Variants in CYFIP1 observed in about 807,000 individuals in gnomAD.
CYFIP1 encodes the protein cytoplasmic FMR1-interacting protein 1.
In CYFIP1, 58 loss-of-function variants were observed where a neutral mutation model predicts 163.5. The ratio of observed to expected loss-of-function variants is 0.35; its 90% confidence interval spans 0.29 to 0.44. CYFIP1 has a LOEUF of 0.44. Ranked by LOEUF, CYFIP1 falls within the 20% of genes least tolerant of loss-of-function variation. The probability of loss-of-function intolerance (pLI) is 1.00; values close to 1 mark genes in which losing one functional copy is unlikely to be tolerated. For missense variants in CYFIP1, 1,338 were observed against 1,653.8 expected (o/e 0.81, Z 3.31); for synonymous variants, 663 against 660.7 (o/e 1.00, Z -0.05).
At chr15:22,882,597 G>T (rs1021665667) in intron 24 of CYFIP1, among the ~76,000 whole-genome samples, 4 of 152,188 alleles carry the variant, frequency 2.6e-5, no homozygotes, top group Non-Finnish European at 5.9e-5. Flanking sequence ...TGGAGCCCAG[G>T]AGTTCAAGGA....
rs913612415 is a variant in CYFIP1, at chr15:22,946,926, A to C, written c.207+77T>G. On this transcript the variant is annotated intron_variant, in intron 3 of 30. Coordinates refer to ENST00000617928, the MANE Select transcript of CYFIP1 (RefSeq NM_014608.6). ...TCCTCACTGCATAGTCTATTGGGAT[A>C]ATACCAAAAAGTATACATCTGTCCT... 7.2e-6 allele frequency: 9 copies of C among 1,249,270 alleles called. No homozygotes were observed. The African/African-American group carries it at 7.4e-5, about 10-fold the overall frequency. The allele number at this position is 1,249,270 out of a possible 1,614,324, so 77.4% of individuals were successfully genotyped here.
intron 1 of CYFIP1, among the ~76,000 whole-genome samples, chr15:22,958,923 T>C (rs966469063): frequency 6.6e-6 from 1 of 152,210 alleles, no homozygotes; most frequent in Admixed American, 6.5e-5. Flanking sequence ...GGGCCCAGTA[T>C]TCCACAGAAT....
At chr15:22,959,031 C>G (rs745597646) in intron 1 of CYFIP1, among the ~76,000 whole-genome samples, 2 of 152,200 alleles carry the variant, frequency 1.3e-5, no homozygotes, top group Non-Finnish European at 2.9e-5. Flanking sequence ...AGTCCCACTG[C>G]CCCAGGTGGG....
intron 22 of CYFIP1, among the ~76,000 whole-genome samples, chr15:22,900,870 ACAG>A (rs2060374152): frequency 6.6e-6 from 1 of 152,066 alleles, no homozygotes; most frequent in Non-Finnish European, 1.5e-5. Context: ...GCTACCACGT[ACAG>A]CAGAATTCCA....
rs908868436 is a variant in CYFIP1 at position 22,867,900 on chromosome 15, G to A, written c.*2128C>T. 9 of 152,192 alleles carry A rather than the reference G, an allele frequency of 5.9e-5. No homozygotes were observed. Among genetic ancestry groups the A allele is most frequent in the Non-Finnish European group, 1.0e-4 (7 of 68,030 alleles). 9.4% of individuals were successfully genotyped at this position (152,192 alleles called of 1,614,324 possible). ...ACTGCAAACATATGCAGAAAAGGTA[G>A]AATAATAAAAAAGGTCTAATGAACT... On this transcript the variant is annotated 3_prime_UTR_variant, in exon 31 of 31. Coordinates refer to ENST00000617928, the MANE Select transcript of CYFIP1 (RefSeq NM_014608.6).
intron 30 of CYFIP1, among the ~76,000 whole-genome samples, chr15:22,870,954 C>T (rs765563092): frequency 1.6e-4 from 25 of 152,162 alleles, no homozygotes; most frequent in Non-Finnish European, 3.2e-4. Flanking sequence ...AAAGCTGGTT[C>T]TACCTATGCA....
intron 8 of CYFIP1, 148 bp downstream of exon 8, chr15:22,939,044 G>T (rs2061808775): frequency 4.4e-6 from 4 of 914,676 alleles, no homozygotes; most frequent in African/African-American, 3.3e-5. Flanking sequence ...TGTTGTGCAG[G>T]CTGTGTGCAA....
At chr15:22,934,236 G>C (rs2061636418) in intron 9 of CYFIP1, among the ~76,000 whole-genome samples, 1 of 127,546 alleles carries the variant, frequency 7.8e-6, no homozygotes, top group South Asian at 2.4e-4. Context: ...GCCCAGGCTG[G>C]AGTGCAGTGG....
chr15:22,952,122 T>C (rs1348449041), intron 1 of CYFIP1, among the ~76,000 whole-genome samples: 1 of 152,112 alleles, frequency 6.6e-6, no homozygotes, highest in Non-Finnish European at 1.5e-5. Flanking sequence ...CTAAGTGAAA[T>C]ACGCCAGTCA....
chr15:22,881,974 A>G (rs751498042), intron 24 of CYFIP1, 38 bp from the exon 25 acceptor site: 1 of 1,580,478 alleles, frequency 6.3e-7, no homozygotes, highest in East Asian at 2.2e-5. Flanking sequence ...CAGCCACCCC[A>G]CTCCGCTCTG....
At chr15:22,899,218 G>C (rs564848432) in intron 22 of CYFIP1, among the ~76,000 whole-genome samples, 141 of 152,150 alleles carry the variant, frequency 9.3e-4, no homozygotes, top group Non-Finnish European at 1.6e-3. Flanking sequence ...AATGAAGCAA[G>C]GATCCTCAGT....
intron 1 of CYFIP1, among the ~76,000 whole-genome samples, chr15:22,963,560 A>AT (rs199915541): frequency 0.043 from 5,047 of 118,060 alleles, 105 homozygotes; most frequent in Non-Finnish European, 0.054. Flanking sequence ...ATAACATAAG[A>AT]AAGAATGAAA....
At chr15:22,936,223 G>A (rs2061705764) in intron 9 of CYFIP1, among the ~76,000 whole-genome samples, 1 of 152,138 alleles carries the variant, frequency 6.6e-6, no homozygotes, top group African/African-American at 2.4e-5. Context: ...GGATGACAGA[G>A]CGAGGGCCTG....
chr15:22,975,370 C>T lies in CYFIP1; in HGVS notation c.-7+4917G>A, dbSNP rs538455314. 6.9e-3 allele frequency among the ~76,000 whole-genome samples: 965 copies of T among 140,098 alleles called. 5 individuals are homozygous for T. Among genetic ancestry groups the T allele is most frequent in the South Asian group, 0.013 (58 of 4,358 alleles). 91.9% of individuals were successfully genotyped at this position (140,098 alleles called of 152,430 possible). ...CTGTAATCTCAGCTACTCAGGAGGC[C>T]GAGGCAGGAGAATCGCTTGAACCCG... On this transcript the variant is annotated intron_variant, in intron 1 of 30. Coordinates refer to ENST00000617928, the MANE Select transcript of CYFIP1 (RefSeq NM_014608.6).
At chr15:22,873,789 C>T (rs1362719356) in intron 28 of CYFIP1, 60 bp from the exon 29 acceptor site, 2 of 1,388,516 alleles carry the variant, frequency 1.4e-6, no homozygotes, top group East Asian at 4.6e-5. Flanking sequence ...TACTCCACAT[C>T]CTCTATGTCT....
Position 22,869,296 on chromosome 15 carries a change from T to C in CYFIP1, c.*732A>G, listed in dbSNP as rs974135588. ...TCATTTGCCTGCGGAACCCTAAATA[T>C]AAAGCTAAACCTGTGCTGAGGTGAG... On this transcript the variant is annotated 3_prime_UTR_variant, in exon 31 of 31. Transcript: ENST00000617928. 19 of 145,774 alleles carry C rather than the reference T, an allele frequency of 1.3e-4. No homozygotes were observed. Among genetic ancestry groups the C allele is most frequent in the African/African-American group, 5.0e-4 (18 of 36,110 alleles). The allele number at this position is 145,774 out of a possible 1,614,324, so 9.0% of individuals were successfully genotyped here. A position where few individuals can be genotyped will look rare whatever the true frequency, so the allele number is the denominator to read the frequency against.
Position 22,910,506 on chromosome 15 carries a change from C to T in CYFIP1, c.2268+14G>A, listed in dbSNP as rs759877736. On this transcript the variant is annotated intron_variant, in intron 20 of 30. Transcript: ENST00000617928. Reference sequence around the variant, plus strand: ...CACACTCTACGTCCCCACCACAGCCCGGCCCCAGCTCACCTGCACATGCCT... The same window carrying T: ...CACACTCTACGTCCCCACCACAGCCTGGCCCCAGCTCACCTGCACATGCCT... The T allele has an allele frequency of 4.4e-6, 7 of 1,607,258 alleles. No individual in the cohort carries two copies. Among genetic ancestry groups the T allele is most frequent in the East Asian group, 4.5e-5 (2 of 44,858 alleles).
At chr15:22,975,624 TG>T (rs1474230502) in intron 1 of CYFIP1, among the ~76,000 whole-genome samples, 3 of 151,892 alleles carry the variant, frequency 2.0e-5, no homozygotes, top group Non-Finnish European at 4.4e-5. Context: ...GTGGGAGTGG[TG>T]GCGCATGCCT....
At chr15:22,953,052 C>G (rs922151154) in intron 1 of CYFIP1, among the ~76,000 whole-genome samples, 3 of 152,358 alleles carry the variant, frequency 2.0e-5, no homozygotes, top group Non-Finnish European at 4.4e-5. Flanking sequence ...ACGCACACGG[C>G]CTGGGCCCGG....
Sources: allele counts gnomAD v4.1 joint callset (sites outside exome capture counted in the v4.1 genomes callset), GRCh38; gene constraint gnomAD v4.1.1; transcripts MANE v1.5; gene names NCBI Gene and HGNC (gene_info 2026-07-23, HGNC 2026-07-21).